UBE2D2: variants seen among roughly 807,000 people sequenced by gnomAD.
UBE2D2 encodes the protein ubiquitin conjugating enzyme E2 D2, also known as ubiquitin-conjugating enzyme E2 D2.
In UBE2D2, 2 loss-of-function variants were observed where a neutral mutation model predicts 24.2. That is an observed-to-expected ratio of 0.08 (90% CI 0.03 to 0.26). The LOEUF (loss-of-function observed/expected upper bound fraction) is 0.26. UBE2D2 is among the 10% of genes least tolerant of loss of function. The pLI, the probability that UBE2D2 is intolerant of heterozygous loss-of-function variation, is 1.00. For synonymous variants in UBE2D2, 58 were observed against 56.5 expected (o/e 1.03, Z -0.12); for missense variants, 44 against 177.6 (o/e 0.25, Z 4.28).
chr5:139,574,944 G>A (rs1229237730), intron 1 of UBE2D2, among the ~76,000 whole-genome samples: 1 of 152,128 alleles, frequency 6.6e-6, no homozygotes, highest in Non-Finnish European at 1.5e-5. Flanking sequence ...TTTTACAAAT[G>A]TGCTTGGCAG....
chr5:139,558,551 G>T (rs1753010920), upstream of UBE2D2, among the ~76,000 whole-genome samples: 1 of 152,182 alleles, frequency 6.6e-6, no homozygotes, highest in South Asian at 2.1e-4. Context: ...GCCTCCCAAA[G>T]TGTTGGGATT....
intron 2 of UBE2D2, among the ~76,000 whole-genome samples, chr5:139,602,440 G>A (rs1561516928): frequency 6.6e-6 from 1 of 152,186 alleles, no homozygotes; most frequent in Non-Finnish European, 1.5e-5. Flanking sequence ...GCTTTGGGAG[G>A]CTGAGGCAGG....
intron 1 of UBE2D2, among the ~76,000 whole-genome samples, chr5:139,540,387 T>C (rs1188245195): frequency 6.6e-6 from 1 of 151,550 alleles, no homozygotes; most frequent in Non-Finnish European, 1.5e-5. Context: ...CATCTTTGTT[T>C]AAAAAAAAGT....
chr5:139,594,532 G>C (rs752505619), intron 1 of UBE2D2, among the ~76,000 whole-genome samples: 8 of 151,868 alleles, frequency 5.3e-5, no homozygotes, highest in Non-Finnish European at 1.0e-4. Context: ...TCCTGCCTCA[G>C]CCTCCTGGGT....
intron 1 of UBE2D2, among the ~76,000 whole-genome samples, chr5:139,587,050 G>C (rs1028464592): frequency 1.3e-5 from 2 of 152,122 alleles, no homozygotes; most frequent in Admixed American, 1.3e-4. Context: ...GGCAAGCCTC[G>C]TGTTCTCTGA....
At chr5:139,614,506 G>C in intron 2 of UBE2D2, 80 bp from the exon 3 acceptor site, 6 of 1,484,554 alleles carry the variant, frequency 4.0e-6, no homozygotes, top group Non-Finnish European at 4.7e-6. Context: ...ATTTGGATTA[G>C]AAGGGGAATG....
intron 1 of UBE2D2, among the ~76,000 whole-genome samples, chr5:139,573,219 G>A (rs1258218048): frequency 6.6e-6 from 1 of 151,016 alleles, no homozygotes; most frequent in East Asian, 2.0e-4. Flanking sequence ...GGACAATGGC[G>A]TGAACCTGGG....
intron 1 of UBE2D2, among the ~76,000 whole-genome samples, chr5:139,530,670 G>A (rs2126625850): frequency 6.6e-6 from 1 of 152,296 alleles, no homozygotes; most frequent in African/African-American, 2.4e-5. Context: ...AGCAGCTGAA[G>A]GAGGAGTTTG....
intron 2 of UBE2D2, among the ~76,000 whole-genome samples, chr5:139,613,573 A>C (rs887637264): frequency 6.6e-6 from 1 of 152,134 alleles, no homozygotes; most frequent in Non-Finnish European, 1.5e-5. Context: ...CTTTCAGCTA[A>C]TATTTTCTTC....
intron 1 of UBE2D2, among the ~76,000 whole-genome samples, chr5:139,537,138 A>G (rs896627160): frequency 7.9e-5 from 12 of 151,166 alleles, no homozygotes; most frequent in Non-Finnish European, 1.2e-4. Flanking sequence ...AGCTGAGATC[A>G]TGCCACTGCA....
chr5:139,557,889 CAAG>C (rs1753003311), upstream of UBE2D2, among the ~76,000 whole-genome samples: 2 of 151,996 alleles, frequency 1.3e-5, no homozygotes, highest in Non-Finnish European at 2.9e-5. Context: ...GTCTGTTTAT[CAAG>C]AAGAGTCATA....
chr5:139,611,907 G>C (rs1245000748), intron 2 of UBE2D2: 2 of 152,018 alleles, frequency 1.3e-5, no homozygotes, highest in East Asian at 3.8e-4. Flanking sequence ...TGACCCCGTG[G>C]GGGAAAATAC....
At chr5:139,567,091 AT>A (rs1166907811) in intron 1 of UBE2D2, among the ~76,000 whole-genome samples, 1 of 151,976 alleles carries the variant, frequency 6.6e-6, no homozygotes, top group Non-Finnish European at 1.5e-5. Context: ...TTTATGTAAG[AT>A]TAAGTTTTCT....
intron 1 of UBE2D2, among the ~76,000 whole-genome samples, chr5:139,591,855 G>A (rs1753851778): frequency 6.6e-6 from 1 of 152,154 alleles, no homozygotes; most frequent in Non-Finnish European, 1.5e-5. Context: ...GAGTGAGGCA[G>A]GGAGAATGCA....
At position 139,599,739 on chromosome 5, in the gene UBE2D2, A is replaced by AAAACAAACAAC. The variant is rs552762916; in HGVS notation, c.25-622_25-612dup. 3.6e-3 allele frequency among the ~76,000 whole-genome samples: 553 copies of AAAACAAACAAC among 152,182 alleles called. 4 individuals are homozygous for AAAACAAACAAC. Among genetic ancestry groups the AAAACAAACAAC allele is most frequent in the African/African-American group, 0.013 (523 of 41,518 alleles). ...GCGACAGAGCAAGACTCCGTCTCAA[A>AAAACAAACAAC]AAACAAACAACAAACAAACAAAAAA... On this transcript the variant is annotated intron_variant, in intron 1 of 6. Transcript: ENST00000398733.
intron 1 of UBE2D2, among the ~76,000 whole-genome samples, chr5:139,581,323 C>T (rs1753598529): frequency 6.6e-6 from 1 of 151,934 alleles, no homozygotes; most frequent in Admixed American, 6.6e-5. Context: ...GTGGTGAGCG[C>T]CTGTAATCCC....
chr5:139,571,651 C>T (rs965309866), intron 1 of UBE2D2, among the ~76,000 whole-genome samples: 1 of 152,108 alleles, frequency 6.6e-6, no homozygotes, highest in Non-Finnish European at 1.5e-5. Flanking sequence ...TTGTTTTAGT[C>T]ATAGCCCTTC....
chr5:139,548,179 AAAAATAAAAAAAAAAAAT>A (rs1752860637), intron 1 of UBE2D2, among the ~76,000 whole-genome samples: 1 of 40,246 alleles, frequency 2.5e-5, no homozygotes, highest in African/African-American at 3.5e-4. Flanking sequence ...AAAAAAAAAA[AAAAATAAAAAAAAAAAAT>A]AAATAAATAA....
At chr5:139,590,832 T>G (rs1753832077) in intron 1 of UBE2D2, among the ~76,000 whole-genome samples, 1 of 142,506 alleles carries the variant, frequency 7.0e-6, no homozygotes, top group African/African-American at 2.6e-5. Context: ...TCTTGCTCTG[T>G]CGCCCAGGCT....
Sources: gnomAD v4.1 joint callset for allele counts (sites outside exome capture counted in the v4.1 genomes callset) on GRCh38, gnomAD v4.1.1 for gene constraint, MANE v1.5 for transcripts, NCBI Gene and HGNC (gene_info 2026-07-23, HGNC 2026-07-21) for gene names.